Variants in FBXL17 observed in about 807,000 individuals in gnomAD.
The protein encoded by FBXL17 is F-box and leucine rich repeat protein 17, also known as F-box/LRR-repeat protein 17.
Under a neutral mutation model 66.2 loss-of-function variants are expected in FBXL17, and 22 were observed. That is an observed-to-expected ratio of 0.33 (90% CI 0.24 to 0.47). The LOEUF (loss-of-function observed/expected upper bound fraction) is 0.47. FBXL17 is among the 20% of genes least tolerant of loss of function. The pLI is 1.00. For synonymous variants in FBXL17, 474 were observed against 400.5 expected, an observed-to-expected ratio of 1.18 and a Z score of -2.19; for missense variants, 878 against 948.2, an observed-to-expected ratio of 0.93 and a Z score of 0.97.
chr5:108,000,975 AC>A (rs764292851), intron 7 of FBXL17, among the ~76,000 whole-genome samples: 76 of 152,348 alleles, frequency 5.0e-4, no homozygotes, highest in Non-Finnish European at 8.8e-4. Flanking sequence ...ACATTTAAAC[AC>A]ACCTGTGCTC....
chr5:108,297,205 G>A (rs534559390), intron 4 of FBXL17, among the ~76,000 whole-genome samples: 61 of 151,620 alleles, frequency 4.0e-4, no homozygotes, highest in African/African-American at 1.5e-3. Flanking sequence ...TAATTCAGTA[G>A]TATATAGCAA....
chr5:108,048,099 A>C (rs1184966940), intron 6 of FBXL17, among the ~76,000 whole-genome samples: 1 of 152,214 alleles, frequency 6.6e-6, no homozygotes, highest in Non-Finnish European at 1.5e-5. Flanking sequence ...GCAGGCAGCC[A>C]TCTGTGCTGT....
intron 4 of FBXL17, among the ~76,000 whole-genome samples, chr5:108,231,684 C>T (rs577339671): frequency 1.2e-4 from 19 of 152,102 alleles, no homozygotes; most frequent in Non-Finnish European, 2.5e-4. Flanking sequence ...TCATCTTGAG[C>T]TCCTCCTACC....
chr5:108,264,146 T>TG (rs1434743480), intron 4 of FBXL17, among the ~76,000 whole-genome samples: 4 of 123,836 alleles, frequency 3.2e-5, no homozygotes, highest in Non-Finnish European at 4.7e-5. Context: ...ACCCAGGAGG[T>TG]GGAGGTGGCA....
chr5:108,025,723 G>A (rs1377115460), intron 6 of FBXL17, among the ~76,000 whole-genome samples: 61 of 120,808 alleles, frequency 5.0e-4, no homozygotes, highest in African/African-American at 2.0e-3. Flanking sequence ...ACACACGCGC[G>A]CGCGCACACA....
chr5:108,181,739 T>C (rs1275921735), intron 6 of FBXL17, among the ~76,000 whole-genome samples: 1 of 152,160 alleles, frequency 6.6e-6, no homozygotes, highest in African/African-American at 2.4e-5. Flanking sequence ...AATTAATATC[T>C]AAAAGTTCCA....
chr5:108,194,094 T>C (rs766902168), intron 5 of FBXL17, among the ~76,000 whole-genome samples: 10 of 152,138 alleles, frequency 6.6e-5, no homozygotes, highest in Non-Finnish European at 1.0e-4. Context: ...ATATTTCTGC[T>C]GCAAAAAGGA....
At chr5:108,045,586 A>T (rs943033910) in intron 6 of FBXL17, among the ~76,000 whole-genome samples, 3 of 152,172 alleles carry the variant, frequency 2.0e-5, no homozygotes, top group African/African-American at 7.2e-5. Flanking sequence ...ATCTGCACTT[A>T]ACAATATAAA....
At chr5:108,211,675 G>A (rs1444098194) in intron 5 of FBXL17, among the ~76,000 whole-genome samples, 1 of 152,166 alleles carries the variant, frequency 6.6e-6, no homozygotes, top group Non-Finnish European at 1.5e-5. Flanking sequence ...CTGGCTTGTA[G>A]GATTTCTACA....
chr5:108,122,075 A>G (rs532724854), intron 6 of FBXL17, among the ~76,000 whole-genome samples: 2 of 152,256 alleles, frequency 1.3e-5, no homozygotes, highest in African/African-American at 2.4e-5. Context: ...AATATTCTCT[A>G]AGTTATAAAC....
rs946263799 is a variant in FBXL17, at chr5:108,259,469, C to T, written c.1507-35241G>A. On this transcript the variant is annotated intron_variant, in intron 4 of 8. Coordinates refer to ENST00000542267, the MANE Select transcript of FBXL17 (RefSeq NM_001163315.3). ...AGAGCCCTGGAAGTAAAGTTGTTTA[C>T]ATTCCTGACCTGCCAGCTGCTGGCT... 4.6e-5 allele frequency among the ~76,000 whole-genome samples: 7 copies of T among 152,130 alleles called. 1 individual carries two copies. The highest frequency in any genetic ancestry group is 2.6e-4 in the Admixed American group (4 of 15,266).
At chr5:108,348,691 G>C (rs1407103476) in intron 3 of FBXL17, among the ~76,000 whole-genome samples, 161 bp from the exon 4 acceptor site, 3 of 152,244 alleles carry the variant, frequency 2.0e-5, no homozygotes, top group African/African-American at 7.2e-5. Context: ...ACTTAAAACA[G>C]TACTGTATAA....
chr5:108,367,043 T>C (rs915321790), intron 2 of FBXL17, among the ~76,000 whole-genome samples: 1 of 152,100 alleles, frequency 6.6e-6, no homozygotes, highest in Non-Finnish European at 1.5e-5. Flanking sequence ...ATATTACAAA[T>C]CAGGGCTTTT....
At chr5:108,135,767 G>A (rs1360570152) in intron 6 of FBXL17, among the ~76,000 whole-genome samples, 3 of 152,074 alleles carry the variant, frequency 2.0e-5, no homozygotes, top group African/African-American at 7.2e-5. Context: ...GGATAAGATG[G>A]TTATTTCCTC....
chr5:108,058,829 A>T (rs1034315976), intron 6 of FBXL17, among the ~76,000 whole-genome samples: 1 of 152,220 alleles, frequency 6.6e-6, no homozygotes, highest in Non-Finnish European at 1.5e-5. Context: ...TTGCCCCTCA[A>T]AGCTAAAGCA....
intron 5 of FBXL17, among the ~76,000 whole-genome samples, chr5:108,214,331 A>T (rs1754505243): frequency 1.3e-5 from 2 of 151,904 alleles, no homozygotes; most frequent in Non-Finnish European, 2.9e-5. Flanking sequence ...TAATTTTCAT[A>T]AAGTGTAATT....
At chr5:108,241,361 A>G (rs1755846913) in intron 4 of FBXL17, among the ~76,000 whole-genome samples, 1 of 152,242 alleles carries the variant, frequency 6.6e-6, no homozygotes, top group Non-Finnish European at 1.5e-5. Context: ...CAATTGGCAT[A>G]CTGAAGAATG....
chr5:108,220,336 C>G (rs1754805599), intron 5 of FBXL17, among the ~76,000 whole-genome samples: 1 of 152,078 alleles, frequency 6.6e-6, no homozygotes, highest in Non-Finnish European at 1.5e-5. Context: ...TGTGTGTTAC[C>G]TGAGTTACCC....
At chr5:108,189,325 ATGGGAT>A (rs1421681246) in intron 5 of FBXL17, among the ~76,000 whole-genome samples, 12 of 138,072 alleles carry the variant, frequency 8.7e-5, no homozygotes, top group Non-Finnish European at 1.6e-5. Flanking sequence ...ATGGGATGGG[ATGGGAT>A]GGGATGGGAT....
Sources: allele counts gnomAD v4.1 joint callset (sites outside exome capture counted in the v4.1 genomes callset), GRCh38; gene constraint gnomAD v4.1.1; transcripts MANE v1.5; gene names NCBI Gene and HGNC (gene_info 2026-07-23, HGNC 2026-07-21).